CACNA2D2: variants seen among roughly 807,000 people sequenced by gnomAD.
The protein encoded by CACNA2D2 is calcium voltage-gated channel auxiliary subunit alpha2delta 2.
A neutral mutation model predicts 166.4 loss-of-function variants in CACNA2D2; 48 were observed. That is an observed-to-expected ratio of 0.29 (90% CI 0.23 to 0.37). CACNA2D2 has a LOEUF of 0.37. CACNA2D2 is among the 10% of genes least tolerant of loss of function. CACNA2D2 has a pLI of 1.00. For synonymous variants in CACNA2D2, 561 were observed against 573.7 expected (o/e 0.98, Z 0.32); for missense variants, 1,122 against 1,433.0 (o/e 0.78, Z 3.50).
chr3:50,379,666 C>T lies in CACNA2D2; in HGVS notation c.993+59G>A. ...GCTATTGCATGGGGCTGGTGATGGT[C>T]ACAGGAGCAGGGCAGATGGGGTGAC... On this transcript the variant is annotated intron_variant, in intron 10 of 37. Transcript: ENST00000424201. This position sits in a 1 kb window ranked among gnomAD's most constrained non-coding sequence, Gnocchi z 6.5. 1 of 1,612,060 alleles carries T rather than the reference C, an allele frequency of 6.2e-7. No individual in the cohort carries two copies. Among genetic ancestry groups the T allele is most frequent in the South Asian group, 1.1e-5 (1 of 90,976 alleles).
At chr3:50,423,838 T>C (rs147627796) in intron 3 of CACNA2D2, among the ~76,000 whole-genome samples, 31 of 152,288 alleles carry the variant, frequency 2.0e-4, no homozygotes, top group African/African-American at 6.5e-4. Flanking sequence ...CCCTCAGAGA[T>C]GGGAGGTGGG....
chr3:50,437,673 C>T (rs1440688624), intron 2 of CACNA2D2, among the ~76,000 whole-genome samples: 2 of 152,194 alleles, frequency 1.3e-5, no homozygotes, highest in Non-Finnish European at 2.9e-5. Context: ...GTCATCTCTA[C>T]ATTGATGTGG....
intron 22 of CACNA2D2, chr3:50,373,124 A>G: frequency 6.5e-7 from 1 of 1,531,362 alleles, no homozygotes; most frequent in Non-Finnish European, 8.7e-7. Flanking sequence ...AGGAAAACAA[A>G]AACAACACAA....
intron 17 of CACNA2D2, 22 bp downstream of exon 17, chr3:50,377,444 CG>C (rs1258851525): frequency 1.5e-5 from 24 of 1,602,416 alleles, no homozygotes; most frequent in Non-Finnish European, 2.0e-5. Flanking sequence ...GCAGGGTACG[CG>C]GATGGGCAGG....
chr3:50,415,458 G>A (rs186458915), intron 3 of CACNA2D2, among the ~76,000 whole-genome samples: 104 of 152,298 alleles, frequency 6.8e-4, no homozygotes, highest in African/African-American at 2.3e-3. Flanking sequence ...GACTGCTAAC[G>A]GTCCTGTCAC....
intron 3 of CACNA2D2, among the ~76,000 whole-genome samples, chr3:50,405,424 T>C (rs1160841658): frequency 6.6e-6 from 1 of 152,140 alleles, no homozygotes; most frequent in African/African-American, 2.4e-5. Context: ...AGCAAGCAGC[T>C]TGGGCGAAGA....
intron 1 of CACNA2D2, among the ~76,000 whole-genome samples, chr3:50,481,255 G>A (rs1050001835): frequency 6.6e-6 from 1 of 152,082 alleles, no homozygotes; most frequent in African/African-American, 2.4e-5. Flanking sequence ...GGCAGGCCCC[G>A]GAAGGGTCAA....
intron 22 of CACNA2D2, among the ~76,000 whole-genome samples, chr3:50,373,341 G>C (rs1038021786): frequency 2.4e-4 from 36 of 150,678 alleles, no homozygotes; most frequent in Non-Finnish European, 3.8e-4. Flanking sequence ...GCGCCCGGTG[G>C]GGCCGGAGCC....
In CACNA2D2 at chr3:50,376,149, C is replaced by T. The variant is rs1197078953; in HGVS notation, c.1666G>A (p.Gly556Ser). 2 of 1,613,544 alleles carry T rather than the reference C, an allele frequency of 1.2e-6. No homozygotes were observed. The highest frequency in any genetic ancestry group is 1.7e-6 in the Non-Finnish European group (2 of 1,180,006). The change falls in exon 18 of 38, where the codon GGC becomes AGC. Residue 556 changes from glycine to serine, a missense_variant. Around this residue, in one of 2 missense-constraint regions of CACNA2D2, gnomAD observed 840 missense variants for 1,166.8 expected, o/e 0.72. Coordinates refer to ENST00000424201, the MANE Select transcript of CACNA2D2 (RefSeq NM_006030.4). This position sits in a 1 kb window ranked among gnomAD's most constrained non-coding sequence, Gnocchi z 4.3. ...AGATTGGGGTGCAGCAACACGTAGC[C>T]GTTCAGGTCAATGGCAAACACATAG... ...NGYVFAIDLN[G>S]YVLLHPNLKP...
rs376153988 is a variant in CACNA2D2 at position 50,366,186 on chromosome 3, A to G, written c.2710-23T>C. On this transcript the variant is annotated intron_variant, in intron 31 of 37. Coordinates refer to ENST00000424201, the MANE Select transcript of CACNA2D2 (RefSeq NM_006030.4). The surrounding 1 kb of genome is among the most constrained non-coding windows in gnomAD (Gnocchi z 5.9). ...CACCTGAGGATGTCAGGAGAAAGCC[A>G]TGGTCACAGGGCTGGCAGTGCTACA... 3 of 1,613,838 alleles carry G rather than the reference A, an allele frequency of 1.9e-6. No individual in the cohort carries two copies. Among genetic ancestry groups the G allele is most frequent in the African/African-American group, 1.3e-5 (1 of 74,904 alleles).
intron 6 of CACNA2D2, 27 bp from the exon 7 acceptor site, chr3:50,381,153 G>A: frequency 4.3e-6 from 7 of 1,611,898 alleles, no homozygotes; most frequent in Non-Finnish European, 5.9e-6. Flanking sequence ...AGCTGGGGTG[G>A]GGAGCACCTG....
At chr3:50,469,323 C>T (rs1369684774) in intron 2 of CACNA2D2, among the ~76,000 whole-genome samples, 1 of 152,102 alleles carries the variant, frequency 6.6e-6, no homozygotes, top group Non-Finnish European at 1.5e-5. Context: ...CTTCGCTGGT[C>T]CACAGGCCCT....
chr3:50,428,476 C>G (rs1361873685), intron 3 of CACNA2D2, among the ~76,000 whole-genome samples: 1 of 152,232 alleles, frequency 6.6e-6, no homozygotes, highest in East Asian at 1.9e-4. Context: ...CCCGGTCACA[C>G]TGCCAACAAT....
chr3:50,394,325 G>C (rs191135365), intron 3 of CACNA2D2, among the ~76,000 whole-genome samples, 157 bp from the exon 4 acceptor site: 1 of 152,226 alleles, frequency 6.6e-6, no homozygotes, highest in African/African-American at 2.4e-5. Flanking sequence ...CTCTGCCCCA[G>C]ACACTCCCCA....
intron 2 of CACNA2D2, among the ~76,000 whole-genome samples, chr3:50,439,607 A>C (rs1708497964): frequency 6.6e-6 from 1 of 152,230 alleles, no homozygotes; most frequent in South Asian, 2.1e-4. Flanking sequence ...TTAACTGTCC[A>C]TTAGGCCCCT....
intron 4 of CACNA2D2, among the ~76,000 whole-genome samples, chr3:50,392,081 A>AGTT (rs1705917287): frequency 6.6e-6 from 1 of 152,146 alleles, no homozygotes; most frequent in Non-Finnish European, 1.5e-5. Context: ...GCCTCTCCTG[A>AGTT]GTTCTGGGAG....
intron 1 of CACNA2D2, among the ~76,000 whole-genome samples, chr3:50,484,378 G>A (rs1045027232): frequency 3.9e-5 from 6 of 152,072 alleles, no homozygotes; most frequent in African/African-American, 1.2e-4. Flanking sequence ...CTCTACACAC[G>A]GCTGGAGTGC....
At chr3:50,374,690 G>T (rs1452906082) in intron 22 of CACNA2D2, 47 bp downstream of exon 22, 2 of 1,556,192 alleles carry the variant, frequency 1.3e-6, no homozygotes, top group African/African-American at 2.7e-5. Flanking sequence ...GCCAGGGTGC[G>T]GGGCAGAGGC....
intron 1 of CACNA2D2, among the ~76,000 whole-genome samples, chr3:50,477,042 G>A (rs1697811756): frequency 1.3e-5 from 2 of 149,772 alleles, no homozygotes. Context: ...CCATTCTCCC[G>A]CCTCAGCCTC....
Sources: allele counts gnomAD v4.1 joint callset (sites outside exome capture counted in the v4.1 genomes callset), GRCh38; gene constraint gnomAD v4.1.1; regional missense constraint gnomAD v4.1.1; non-coding constraint Gnocchi (gnomAD v3.1); transcripts MANE v1.5; gene names NCBI Gene and HGNC (gene_info 2026-07-23, HGNC 2026-07-21).